The following SPAG16 variants were observed in gnomAD, a reference collection of about 807,000 sequenced individuals.
SPAG16 encodes sperm-associated antigen 16 protein.
Under a neutral mutation model 80.4 loss-of-function variants are expected in SPAG16, and 86 were observed. The ratio of observed to expected loss-of-function variants is 1.07; its 90% CI spans 0.90 to 1.28. The LOEUF is 1.28. SPAG16 is among the 50% of genes most tolerant of loss of function. The pLI, the probability that SPAG16 is intolerant of heterozygous loss-of-function variation, is 0.00. For synonymous variants in SPAG16, 294 were observed against 265.9 expected, an observed-to-expected ratio of 1.11 and a Z score of -1.03; for missense variants, 870 against 765.3, an observed-to-expected ratio of 1.14 and a Z score of -1.61.
At chr2:213,408,129 A>AGAAC (rs2068768197) in intron 9 of SPAG16, among the ~76,000 whole-genome samples, 1 of 151,480 alleles carries the variant, frequency 6.6e-6, no homozygotes, top group African/African-American at 2.4e-5. Flanking sequence ...AAAAAAAACA[A>AGAAC]AAAAACCAGT....
intron 11 of SPAG16, among the ~76,000 whole-genome samples, chr2:213,879,557 G>T (rs939854176): frequency 5.3e-5 from 8 of 151,958 alleles, no homozygotes; most frequent in African/African-American, 1.9e-4. Flanking sequence ...CATGTGCAAG[G>T]TTATTGCATG....
chr2:213,707,955 T>C (rs6758514), intron 10 of SPAG16, among the ~76,000 whole-genome samples: 1 of 152,052 alleles, frequency 6.6e-6, no homozygotes, highest in Non-Finnish European at 1.5e-5. Flanking sequence ...AATGAAAATG[T>C]TTTTATCTTT....
At chr2:213,572,170 G>C (rs1428885420) in intron 10 of SPAG16, among the ~76,000 whole-genome samples, 2 of 93,086 alleles carry the variant, frequency 2.1e-5, no homozygotes, top group East Asian at 5.4e-4. Flanking sequence ...CAACTTCTTT[G>C]CCTTTGGTTT....
At chr2:213,639,876 A>G (rs1046816002) in intron 10 of SPAG16, among the ~76,000 whole-genome samples, 5 of 152,194 alleles carry the variant, frequency 3.3e-5, no homozygotes, top group African/African-American at 7.2e-5. Context: ...AGGAACATCA[A>G]TTATTCTTAA....
intron 10 of SPAG16, among the ~76,000 whole-genome samples, chr2:213,580,664 G>T (rs1030579866): frequency 9.9e-5 from 15 of 152,012 alleles, no homozygotes; most frequent in African/African-American, 3.6e-4. Flanking sequence ...CTACTCAGAA[G>T]AATAAAAAAG....
intron 1 of SPAG16, among the ~76,000 whole-genome samples, chr2:213,287,723 G>T (rs1405048745): frequency 6.6e-6 from 1 of 152,120 alleles, no homozygotes; most frequent in Non-Finnish European, 1.5e-5. Flanking sequence ...GTTCTGTGAA[G>T]CTAATCAGCT....
intron 10 of SPAG16, among the ~76,000 whole-genome samples, chr2:213,726,033 C>G (rs2066755379): frequency 6.6e-6 from 1 of 152,180 alleles, no homozygotes; most frequent in South Asian, 2.1e-4. Flanking sequence ...AATGCTCTGC[C>G]CACGTTCCCT....
chr2:213,352,733 C>A (rs1447947092), intron 7 of SPAG16, among the ~76,000 whole-genome samples: 1 of 152,142 alleles, frequency 6.6e-6, no homozygotes, highest in Non-Finnish European at 1.5e-5. Context: ...AAGTTAAAAT[C>A]ATTTGATCTA....
intron 12 of SPAG16, among the ~76,000 whole-genome samples, chr2:213,954,109 G>C (rs1403244125): frequency 6.6e-6 from 1 of 150,546 alleles, no homozygotes; most frequent in Admixed American, 6.6e-5. Context: ...ACACCAAAAA[G>C]AAGCTCCACT....
chr2:213,614,609 T>C (rs1236292310), intron 10 of SPAG16, among the ~76,000 whole-genome samples: 1 of 152,202 alleles, frequency 6.6e-6, no homozygotes, highest in Admixed American at 6.5e-5. Flanking sequence ...AAACTGGGTA[T>C]TCCATCTGTT....
At chr2:214,065,567 T>C (rs1678111962) in intron 13 of SPAG16, among the ~76,000 whole-genome samples, 1 of 150,730 alleles carries the variant, frequency 6.6e-6, no homozygotes, top group African/African-American at 2.4e-5. Context: ...TCAAATTCAC[T>C]TGACTGGATC....
At chr2:213,804,237 G>A (rs894681318) in intron 10 of SPAG16, among the ~76,000 whole-genome samples, 9 of 152,114 alleles carry the variant, frequency 5.9e-5, no homozygotes, top group South Asian at 2.1e-4. Flanking sequence ...AAAAGAAGCC[G>A]AATGAGTGGA....
chr2:213,948,526 C>A (rs969034412), intron 12 of SPAG16, among the ~76,000 whole-genome samples: 1 of 152,062 alleles, frequency 6.6e-6, no homozygotes, highest in African/African-American at 2.4e-5. Context: ...GATGCAGATG[C>A]TTTGCTGGTG....
At chr2:214,382,620 C>G (rs902578166) in intron 15 of SPAG16, among the ~76,000 whole-genome samples, 1 of 152,188 alleles carries the variant, frequency 6.6e-6, no homozygotes, top group Non-Finnish European at 1.5e-5. Flanking sequence ...GCAACAATAG[C>G]TCAGTTATTG....
At chr2:214,038,999 A>G (rs984550855) in intron 13 of SPAG16, among the ~76,000 whole-genome samples, 1 of 152,130 alleles carries the variant, frequency 6.6e-6, no homozygotes, top group Middle Eastern at 3.2e-3. Context: ...GCCGCAATAA[A>G]CATACGTGTG....
At chr2:213,512,452 G>A (rs1380943836) in intron 10 of SPAG16, among the ~76,000 whole-genome samples, 1 of 152,088 alleles carries the variant, frequency 6.6e-6, no homozygotes, top group Non-Finnish European at 1.5e-5. Flanking sequence ...ACCATGTGAG[G>A]GAACTGCTTC....
chr2:213,341,490 C>G (rs916947608), intron 6 of SPAG16, among the ~76,000 whole-genome samples: 1 of 151,928 alleles, frequency 6.6e-6, no homozygotes, highest in Non-Finnish European at 1.5e-5. Context: ...GTAAATTTTT[C>G]AACTAGTTTG....
At chr2:213,586,493 T>G (rs1016381336) in intron 10 of SPAG16, among the ~76,000 whole-genome samples, 3 of 152,208 alleles carry the variant, frequency 2.0e-5, no homozygotes, top group African/African-American at 7.2e-5. Flanking sequence ...ATACAGATTT[T>G]GGGGAGGACC....
At chr2:213,692,668 G>A (rs543607678) in intron 10 of SPAG16, among the ~76,000 whole-genome samples, 5 of 152,116 alleles carry the variant, frequency 3.3e-5, no homozygotes, top group African/African-American at 1.2e-4. Context: ...AAATTAGCCC[G>A]CCATGGTGGC....
Sources: allele counts gnomAD v4.1 joint callset (sites outside exome capture counted in the v4.1 genomes callset), GRCh38; gene constraint gnomAD v4.1.1; transcripts MANE v1.5; gene names NCBI Gene and HGNC (gene_info 2026-07-23, HGNC 2026-07-21).